The following HERC1 variants were observed in gnomAD, a reference collection of about 807,000 sequenced individuals.
HERC1 encodes probable E3 ubiquitin-protein ligase HERC1.
HERC1 carries 160 observed loss-of-function variants against 554.3 expected under a neutral mutation model. That is an observed-to-expected ratio of 0.29 (90% CI 0.25 to 0.33). The LOEUF is 0.33. Ranked by LOEUF, HERC1 falls within the 10% of genes least tolerant of loss-of-function variation. The pLI, the probability that HERC1 is intolerant of heterozygous loss-of-function variation, is 1.00. For missense variants in HERC1, 4,919 were observed against 5,918.5 expected, an observed-to-expected ratio of 0.83 and a Z score of 5.54; for synonymous variants, 2,175 against 2,131.7, an observed-to-expected ratio of 1.02 and a Z score of -0.56.
At chr15:63,742,018 A>G (rs2074831833) in intron 12 of HERC1, among the ~76,000 whole-genome samples, 1 of 152,232 alleles carries the variant, frequency 6.6e-6, no homozygotes. Flanking sequence ...ATTTCTGCCA[A>G]ACAAAGCCAG....
chr15:63,609,385 C>T, intron 77 of HERC1, 119 bp from the exon 78 acceptor site: 1 of 872,336 alleles, frequency 1.1e-6, no homozygotes. Context: ...ATGGTTAAGT[C>T]AAGTGGACAC....
intron 74 of HERC1, among the ~76,000 whole-genome samples, chr15:63,619,581 C>G (rs2067978757): frequency 1.3e-5 from 2 of 152,168 alleles, no homozygotes; most frequent in Non-Finnish European, 2.9e-5. Flanking sequence ...GTACCAGCTC[C>G]TCCTTGTACC....
intron 68 of HERC1, among the ~76,000 whole-genome samples, chr15:63,631,236 T>A (rs1193491092): frequency 6.6e-6 from 1 of 152,226 alleles, no homozygotes; most frequent in Admixed American, 6.5e-5. Flanking sequence ...CTTGCCAAAC[T>A]TCTAGAGGGT....
At position 63,698,977 on chromosome 15, in the gene HERC1, C is replaced by T. The variant is rs186703679; in HGVS notation, c.4656G>A (p.Leu1552=). 2.5e-6 allele frequency: 4 copies of T among 1,612,782 alleles called. No individual in the cohort carries two copies. The highest frequency in any genetic ancestry group is 1.3e-5 in the African/African-American group (1 of 74,882). Residue 1552 remains leucine (L), a synonymous_variant, in exon 26 of 78, where the codon TTG becomes TTA. Transcript: ENST00000443617. ...HRKRGPMHSQ[L]ESLSDSWARL... ...GAGCCCAAGAGTCACTCAGGGATTC[C>T]AATTGACTGTGCATAGGACCTATAT...
Position 63,666,063 on chromosome 15 carries a change from G to A in HERC1, c.8411C>T (p.Pro2804Leu). Reference protein sequence around the residue: ...EHPGHEDEEEPQSGSTADSRP... With the variant: ...EHPGHEDEEELQSGSTADSRP... ...AGAGTCTGCTGTGCTGCCCGACTGG[G>A]GCTCCTCTTCATCCTCATGCCCAGG... Residue 2804 changes from proline (P) to leucine (L), a missense_variant, in exon 42 of 78, where the codon CCC becomes CTC. Transcript: ENST00000443617. 6.2e-7 allele frequency: 1 copy of A among 1,613,962 alleles called. No homozygotes were observed. The highest frequency in any genetic ancestry group is 8.5e-7 in the Non-Finnish European group (1 of 1,179,864).
Position 63,664,587 on chromosome 15 carries a change from T to A in HERC1, c.8563A>T (p.Asn2855Tyr). 6.2e-7 allele frequency: 1 copy of A among 1,612,930 alleles called. No individual in the cohort carries two copies. The highest frequency in any genetic ancestry group is 2.2e-5 in the East Asian group (1 of 44,834). ...GCTGCATTCTCTGTATGATCCAAAT[T>A]ATCAGGGCTACAAGTGCAAGTGAGA... ...MEEGFSESPD[N>Y]LDHTENAASG... Residue 2855 changes from asparagine (N) to tyrosine (Y), a missense_variant, in exon 43 of 78, where the codon AAT (asparagine) becomes TAT (tyrosine). Physicochemically the swap from Asn to Tyr is moderately radical, Grantham distance 143. Coordinates refer to ENST00000443617, the MANE Select transcript of HERC1 (RefSeq NM_003922.4).
In HERC1 at chr15:63,734,599, A is replaced by G. The variant is rs2074423854; in HGVS notation, c.2646+125T>C. The stretch of plus-strand genomic sequence containing the variant: ...TAAGACAACTGGGAATTCTTCCAGC[A>G]CAACACATTAACCCATCAAGTACTT... On this transcript the variant is annotated intron_variant, in intron 13 of 77. Transcript: ENST00000443617. This position sits in a 1 kb window ranked among gnomAD's most constrained non-coding sequence, Gnocchi z 4.6. The G allele has an allele frequency of 1.4e-6, 1 of 703,314 alleles. No homozygotes were observed. Among genetic ancestry groups the G allele is most frequent in the African/African-American group, 1.9e-5 (1 of 53,364 alleles). The allele number at this position is 703,314 out of a possible 1,614,324, so 43.6% of individuals were successfully genotyped here.
At chr15:63,688,504 C>A (rs2071915166) in intron 33 of HERC1, among the ~76,000 whole-genome samples, 1 of 152,078 alleles carries the variant, frequency 6.6e-6, no homozygotes, top group Non-Finnish European at 1.5e-5. Context: ...TTAAATGAGT[C>A]TGAATAAGGT....
At position 63,690,555 on chromosome 15, in the gene HERC1, C is replaced by T; in HGVS notation, c.5923G>A (p.Asp1975Asn). Residue 1975 changes from aspartate (D) to asparagine (N), a missense_variant, in exon 32 of 78, where the codon GAT becomes AAT. Physicochemically the swap from Asp to Asn is conservative, Grantham distance 23. Coordinates refer to ENST00000443617, the MANE Select transcript of HERC1 (RefSeq NM_003922.4). ...AAAATAAAAACCTGGGCCATTTGAT[C>T]ATCTTCTACACCAGATTCACAAGCT... Reference protein sequence around the residue: ...LPACESGVEDDQMAQIVERLF... With the variant: ...LPACESGVEDNQMAQIVERLF... 6.2e-7 allele frequency: 1 copy of T among 1,604,568 alleles called. No individual in the cohort carries two copies. The highest frequency in any genetic ancestry group is 2.2e-5 in the East Asian group (1 of 44,830).
At chr15:63,703,239 G>A (rs530374502) in intron 25 of HERC1, among the ~76,000 whole-genome samples, 1 of 152,032 alleles carries the variant, frequency 6.6e-6, no homozygotes, top group Non-Finnish European at 1.5e-5. Flanking sequence ...CAAGGGCTTA[G>A]ACCAATTGTG....
At chr15:63,783,481 G>A (rs1039526939) in intron 1 of HERC1, among the ~76,000 whole-genome samples, 2 of 152,052 alleles carry the variant, frequency 1.3e-5, no homozygotes, top group Non-Finnish European at 2.9e-5. Flanking sequence ...ACACTTAACA[G>A]ACTACAGTAT....
In HERC1 at chr15:63,694,168, T is replaced by A. The variant is rs759655877; in HGVS notation, c.5481-11A>T. 6.3e-7 allele frequency: 1 copy of A among 1,582,628 alleles called. No homozygotes were observed. Among genetic ancestry groups the A allele is most frequent in the South Asian group, 1.2e-5 (1 of 86,114 alleles). ...TTATCAGCATAGGTCCTATGTGAAA[T>A]AAAAGAAAAAAATAAGTGGCAAACA... On this transcript the variant is annotated splice_polypyrimidine_tract_variant and intron_variant, in intron 29 of 77. Coordinates refer to ENST00000443617, the MANE Select transcript of HERC1 (RefSeq NM_003922.4). This position sits in a 1 kb window ranked among gnomAD's most constrained non-coding sequence, Gnocchi z 4.3.
chr15:63,690,420 G>A, intron 32 of HERC1, 121 bp downstream of exon 32: 1 of 633,926 alleles, frequency 1.6e-6, no homozygotes, highest in Admixed American at 3.2e-5. Context: ...AGTCCTAAAA[G>A]TAAACGTTAT....
rs1382431878 is a variant in HERC1 at position 63,769,781 on chromosome 15, G to A, written c.930+4913C>T. 2.6e-5 allele frequency among the ~76,000 whole-genome samples: 4 copies of A among 152,148 alleles called. No homozygotes were observed. In the East Asian group the frequency reaches 7.7e-4, roughly 29 times the overall value. On this transcript the variant is annotated intron_variant, in intron 2 of 77. Coordinates refer to ENST00000443617, the MANE Select transcript of HERC1 (RefSeq NM_003922.4). ...TGAGGCAGGAGAATCGCTTGAACCC[G>A]GGAGGTGGAAGTTGCAGTGAGCCAA...
chr15:63,744,538 C>T (rs2074983004), intron 12 of HERC1, among the ~76,000 whole-genome samples: 1 of 152,134 alleles, frequency 6.6e-6, no homozygotes, highest in African/African-American at 2.4e-5. Flanking sequence ...TGTACTATGG[C>T]TGAGCTGGCA....
chr15:63,649,278 G>A (rs1232251064), intron 54 of HERC1, among the ~76,000 whole-genome samples: 1 of 152,152 alleles, frequency 6.6e-6, no homozygotes, highest in African/African-American at 2.4e-5. Flanking sequence ...GCTTGAACCA[G>A]GGAGTCAGAG....
chr15:63,694,988 G>GAAAT lies in HERC1; in HGVS notation c.5122-95_5122-94insATTT. On this transcript the variant is annotated intron_variant, in intron 27 of 77. Coordinates refer to ENST00000443617, the MANE Select transcript of HERC1 (RefSeq NM_003922.4). The surrounding 1 kb of genome is among the most constrained non-coding windows in gnomAD (Gnocchi z 4.3). ...AACATTTTATTTCTAGTCTATGCTA[G>GAAAT]AGCCTTACGATGGTTTTTAATTATT... The GAAAT allele has an allele frequency of 6.1e-6, 7 of 1,149,866 alleles. No individual in the cohort carries two copies. Among genetic ancestry groups the GAAAT allele is most frequent in the Non-Finnish European group, 8.4e-6 (7 of 836,036 alleles). 71.2% of individuals were successfully genotyped at this position (1,149,866 alleles called of 1,614,324 possible).
chr15:63,744,152 GTGTGTGTGTGTGTCTCTC>G (rs1386545115), intron 12 of HERC1, among the ~76,000 whole-genome samples: 26 of 41,640 alleles, frequency 6.2e-4, no homozygotes, highest in African/African-American at 1.8e-3. Context: ...GTGTGTGTGT[GTGTGTGTGTGTGTCTCTC>G]TCTCTCTCTC....
intron 34 of HERC1, among the ~76,000 whole-genome samples, chr15:63,685,804 T>G (rs534495777): frequency 6.6e-6 from 1 of 152,370 alleles, no homozygotes; most frequent in East Asian, 1.9e-4. Context: ...ATGTTGGCCC[T>G]TGGCTGGCAT....
Sources: gnomAD v4.1 joint callset for allele counts (sites outside exome capture counted in the v4.1 genomes callset) on GRCh38, gnomAD v4.1.1 for gene constraint, Gnocchi (gnomAD v3.1) non-coding constraint, MANE v1.5 for transcripts, NCBI Gene and HGNC (gene_info 2026-07-23, HGNC 2026-07-21) for gene names.